NUP58: variants seen among roughly 807,000 people sequenced by gnomAD.
NUP58 encodes nucleoporin 58.
A neutral mutation model predicts 70.1 loss-of-function variants in NUP58; 17 were observed. That is an observed-to-expected ratio of 0.24 (90% CI 0.17 to 0.36). The LOEUF (loss-of-function observed/expected upper bound fraction) is 0.36. Ranked by LOEUF, NUP58 falls within the 10% of genes least tolerant of loss-of-function variation. The pLI is 1.00. For synonymous variants in NUP58, 275 were observed against 257.6 expected (o/e 1.07, Z -0.65); for missense variants, 644 against 701.5 (o/e 0.92, Z 0.93).
chr13:25,319,289 C>T, intron 6 of NUP58, 37 bp from the exon 7 acceptor site: 1 of 1,590,040 alleles, frequency 6.3e-7, no homozygotes, highest in African/African-American at 1.3e-5. Flanking sequence ...TGTTCAATTA[C>T]CAATTTTTTT....
At chr13:25,326,228 C>CT (rs2031389050) in intron 10 of NUP58, among the ~76,000 whole-genome samples, 2 of 152,154 alleles carry the variant, frequency 1.3e-5, no homozygotes, top group Non-Finnish European at 2.9e-5. Flanking sequence ...ATCCCTCTGT[C>CT]TTGTACTTAA....
chr13:25,311,847 CG>C (rs1566058974), intron 3 of NUP58, among the ~76,000 whole-genome samples: 1 of 151,944 alleles, frequency 6.6e-6, no homozygotes, highest in Non-Finnish European at 1.5e-5. Flanking sequence ...GAAGTAGGAT[CG>C]ACAGGATTTG....
intron 13 of NUP58, chr13:25,335,705 T>C (rs1430340445): frequency 2.0e-6 from 2 of 984,122 alleles, no homozygotes; most frequent in Non-Finnish European, 2.4e-6. Context: ...AGTTCCTCGG[T>C]TGTTTTTCTT....
chr13:25,314,204 A>G (rs2030818352), intron 5 of NUP58, among the ~76,000 whole-genome samples: 1 of 151,954 alleles, frequency 6.6e-6, no homozygotes, highest in African/African-American at 2.4e-5. Context: ...AAGTGCTGAG[A>G]TTACAGGCGT....
In NUP58 at chr13:25,312,887, G is replaced by A. The variant is rs375458109; in HGVS notation, c.291G>A (p.Thr97=). 1.9e-5 allele frequency: 30 copies of A among 1,605,414 alleles called. No individual in the cohort carries two copies. The highest frequency in any genetic ancestry group is 1.7e-4 in the African/African-American group (13 of 74,486). The change falls in exon 4 of 16, where the codon ACG becomes ACA. Residue 97 remains threonine, a synonymous_variant. Coordinates refer to ENST00000381736, the MANE Select transcript of NUP58 (RefSeq NM_014089.4). The part of the protein sequence containing the change: ...TTITTGLTLG[T]PATTSAATTG... ...TTCATTTATTTATTTAAATAGGAACGCCAGCCACTACATCTGCAGCTACAA... is the reference window on the plus strand; with the variant it reads ...TTCATTTATTTATTTAAATAGGAACACCAGCCACTACATCTGCAGCTACAA...
intron 5 of NUP58, among the ~76,000 whole-genome samples, chr13:25,314,166 C>T (rs990044373): frequency 9.9e-5 from 15 of 152,158 alleles, no homozygotes; most frequent in African/African-American, 3.6e-4. Flanking sequence ...CTTCTGACCT[C>T]AAGTGATCCG....
intron 13 of NUP58, chr13:25,335,101 A>G: frequency 1.0e-6 from 1 of 985,240 alleles, no homozygotes; most frequent in South Asian, 4.7e-5. Flanking sequence ...CTATTAAAAA[A>G]TGTTATACAT....
intron 3 of NUP58, 30 bp from the exon 4 acceptor site, chr13:25,312,853 G>T (rs1278138624): frequency 1.3e-6 from 2 of 1,553,948 alleles, no homozygotes; most frequent in Admixed American, 2.0e-5. Context: ...ATTTTTGTTT[G>T]TTTGTTTATT....
chr13:25,309,464 T>C (rs7336412), intron 3 of NUP58, 182 bp downstream of exon 3: 218 of 504,850 alleles, frequency 4.3e-4, no homozygotes, highest in African/African-American at 4.1e-3. Flanking sequence ...AAAAAAGGAA[T>C]GACTTCGTAG....
intron 13 of NUP58, chr13:25,332,770 C>CTGGAGTG: frequency 1.0e-6 from 1 of 985,370 alleles, no homozygotes; most frequent in Non-Finnish European, 1.2e-6. Context: ...CTCTAGCTGG[C>CTGGAGTG]TGGAGTGTAG....
intron 2 of NUP58, 78 bp downstream of exon 2, chr13:25,308,026 A>G: frequency 6.6e-7 from 1 of 1,521,776 alleles, no homozygotes; most frequent in Non-Finnish European, 9.0e-7. Context: ...ATCTCTCTTT[A>G]CAAGGATCAT....
rs1400911228 is a variant in NUP58, at chr13:25,340,950, T to A, written c.*816T>A. 6.6e-6 allele frequency: 1 copy of A among 152,102 alleles called. No individual in the cohort carries two copies. Among genetic ancestry groups the A allele is most frequent in the East Asian group, 1.9e-4 (1 of 5,184 alleles). The allele number at this position is 152,102 out of a possible 1,614,324, so 9.4% of individuals were successfully genotyped here. ...GATGAAAATAAAATAAAATATATATTTACAGGCCTACAACTTTTGCCTCAG... is the reference window on the plus strand; with the variant it reads ...GATGAAAATAAAATAAAATATATATATACAGGCCTACAACTTTTGCCTCAG... On this transcript the variant is annotated 3_prime_UTR_variant, in exon 16 of 16. Coordinates refer to ENST00000381736, the MANE Select transcript of NUP58 (RefSeq NM_014089.4).
intron 1 of NUP58, among the ~76,000 whole-genome samples, chr13:25,306,631 A>C (rs1246372560): frequency 6.6e-6 from 1 of 152,196 alleles, no homozygotes; most frequent in African/African-American, 2.4e-5. Flanking sequence ...AATAATAAAG[A>C]TAAATATGTA....
At chr13:25,315,595 T>G in intron 6 of NUP58, 128 bp downstream of exon 6, 1 of 634,572 alleles carries the variant, frequency 1.6e-6, no homozygotes, top group Non-Finnish European at 2.8e-6. Context: ...TATCTTAATG[T>G]GTATACGAAT....
intron 13 of NUP58, chr13:25,335,420 C>T (rs192316336): frequency 2.0e-6 from 2 of 985,278 alleles, no homozygotes; most frequent in East Asian, 2.3e-4. Flanking sequence ...AAACAAGTCT[C>T]TCAATGTTAA....
At chr13:25,315,916 C>G (rs780452028) in intron 6 of NUP58, among the ~76,000 whole-genome samples, 5 of 152,112 alleles carry the variant, frequency 3.3e-5, no homozygotes, top group Admixed American at 6.5e-5. Flanking sequence ...CTTATAAGCT[C>G]TCTGACCTTA....
chr13:25,309,714 C>G (rs1291013025), intron 3 of NUP58, among the ~76,000 whole-genome samples: 1 of 152,140 alleles, frequency 6.6e-6, no homozygotes. Flanking sequence ...ATAATACTTT[C>G]TGTAGTGTTA....
chr13:25,344,822 A>T (rs1185743583), downstream of NUP58, among the ~76,000 whole-genome samples: 1 of 152,168 alleles, frequency 6.6e-6, no homozygotes, highest in African/African-American at 2.4e-5. Flanking sequence ...CATTTACATT[A>T]TTACAACCAG....
At position 25,331,549 on chromosome 13, in the gene NUP58, C is replaced by T; in HGVS notation, c.1426C>T (p.Pro476Ser). ...MAATLTQQQQPATGPQPSLGV... is the reference protein window; with the variant it reads ...MAATLTQQQQSATGPQPSLGV... ...TGCAACACTTACACAGCAGCAACAG[C>T]CTGCTACAGGTCTGAACGCATTCAA... Residue 476 changes from proline (P) to serine (S), a missense_variant, in exon 13 of 16, where the codon CCT (proline) becomes TCT (serine). Transcript: ENST00000381736. 6.2e-7 allele frequency: 1 copy of T among 1,613,890 alleles called. No homozygotes were observed. Among genetic ancestry groups the T allele is most frequent in the Admixed American group, 1.7e-5 (1 of 59,988 alleles).
Sources: gnomAD v4.1 joint callset for allele counts (sites outside exome capture counted in the v4.1 genomes callset) on GRCh38, gnomAD v4.1.1 for gene constraint, MANE v1.5 for transcripts, NCBI Gene and HGNC (gene_info 2026-07-23, HGNC 2026-07-21) for gene names.